Variants in GLRA3 observed in about 807,000 individuals in gnomAD.
The protein encoded by GLRA3 is glycine receptor subunit alpha-3.
In GLRA3, 44 loss-of-function variants were observed where a neutral mutation model predicts 60.4. That is an observed-to-expected ratio of 0.73 (90% confidence interval 0.57 to 0.94). The LOEUF (loss-of-function observed/expected upper bound fraction) is 0.94. GLRA3 is among the 40% of genes least tolerant of loss of function. The pLI, the probability that GLRA3 is intolerant of heterozygous loss-of-function variation, is 0.00. For missense variants in GLRA3, 508 were observed against 564.6 expected (o/e 0.90, Z 1.02); for synonymous variants, 223 against 192.9 (o/e 1.16, Z -1.29).
intron 3 of GLRA3, among the ~76,000 whole-genome samples, chr4:174,740,978 A>G (rs1470141122): frequency 1.3e-5 from 2 of 152,194 alleles, no homozygotes; most frequent in Non-Finnish European, 2.9e-5. Flanking sequence ...TTATTCACCC[A>G]TTGATGGACT....
intron 1 of GLRA3, among the ~76,000 whole-genome samples, chr4:174,804,666 C>T (rs1579636027): frequency 6.6e-6 from 1 of 152,100 alleles, no homozygotes; most frequent in African/African-American, 2.4e-5. Flanking sequence ...ATGGATACAC[C>T]AGAATGAGGT....
chr4:174,792,629 T>G (rs1215854589), intron 1 of GLRA3, among the ~76,000 whole-genome samples: 1 of 152,202 alleles, frequency 6.6e-6, no homozygotes, highest in African/African-American at 2.4e-5. Flanking sequence ...GTTTAACATT[T>G]TTGTTAAGTA....
At chr4:174,771,781 T>C (rs1385834) in intron 2 of GLRA3, among the ~76,000 whole-genome samples, 144,079 of 152,208 alleles carry the variant, frequency 0.95, 68,673 homozygotes, top group East Asian at 1. Context: ...TTTTAGTTTG[T>C]CACAGGCATT....
At chr4:174,677,665 A>T (rs1468313027) in intron 6 of GLRA3, among the ~76,000 whole-genome samples, 1 of 151,976 alleles carries the variant, frequency 6.6e-6, no homozygotes, top group East Asian at 1.9e-4. Context: ...CGGCCTCACA[A>T]TTTCATTTTG....
intron 3 of GLRA3, among the ~76,000 whole-genome samples, chr4:174,749,355 A>C (rs1417964480): frequency 6.6e-6 from 1 of 152,148 alleles, no homozygotes; most frequent in African/African-American, 2.4e-5. Flanking sequence ...CAACCACTGA[A>C]TGCAACTGGA....
intron 1 of GLRA3, among the ~76,000 whole-genome samples, chr4:174,825,973 T>A: frequency 6.6e-6 from 1 of 152,144 alleles, no homozygotes; most frequent in Non-Finnish European, 1.5e-5. Context: ...ATTACTGATA[T>A]AAGTGTAAAA....
At chr4:174,707,572 G>A (rs2111070531) in intron 5 of GLRA3, among the ~76,000 whole-genome samples, 1 of 152,150 alleles carries the variant, frequency 6.6e-6, no homozygotes, top group African/African-American at 2.4e-5. Context: ...TTTAATACAT[G>A]GAAAGACGTC....
At chr4:174,661,063 T>C (rs1337060178) in intron 7 of GLRA3, among the ~76,000 whole-genome samples, 2 of 152,208 alleles carry the variant, frequency 1.3e-5, no homozygotes, top group African/African-American at 4.8e-5. Context: ...TCTTCTGTAG[T>C]GAAGAGTGGT....
intron 6 of GLRA3, 82 bp from the exon 7 acceptor site, chr4:174,677,374 T>G: frequency 1.2e-6 from 1 of 814,588 alleles, no homozygotes; most frequent in East Asian, 2.6e-5. Flanking sequence ...TCTCTTTTTT[T>G]TTTGAGACAG....
In GLRA3 at chr4:174,828,875, C is replaced by T; in HGVS notation, c.-64G>A. 1.8e-6 allele frequency: 2 copies of T among 1,124,882 alleles called. No homozygotes were observed. The highest frequency in any genetic ancestry group is 2.5e-5 in the South Asian group (2 of 80,736). The allele number at this position is 1,124,882 out of a possible 1,614,324, so 69.7% of individuals were successfully genotyped here. Reference sequence around the variant, plus strand: ...TCCAAGGCATGGGGAACCAGAAAGACAGAATGAAAATGTACAATCTAACCC... The same window carrying T: ...TCCAAGGCATGGGGAACCAGAAAGATAGAATGAAAATGTACAATCTAACCC... On this transcript the variant is annotated 5_prime_UTR_variant, in exon 1 of 10. Coordinates refer to ENST00000274093, the MANE Select transcript of GLRA3 (RefSeq NM_006529.4).
At chr4:174,771,512 C>G (rs1377285454) in intron 2 of GLRA3, among the ~76,000 whole-genome samples, 1 of 151,322 alleles carries the variant, frequency 6.6e-6, no homozygotes, top group African/African-American at 2.4e-5. Flanking sequence ...GAGATAAATT[C>G]TGTCATGCTC....
chr4:174,793,722 G>A (rs1739454823), intron 1 of GLRA3, among the ~76,000 whole-genome samples: 1 of 152,072 alleles, frequency 6.6e-6, no homozygotes, highest in Admixed American at 6.5e-5. Flanking sequence ...AGGATGCAAA[G>A]TCTGTTTTTA....
At chr4:174,799,560 A>G (rs901521072) in intron 1 of GLRA3, among the ~76,000 whole-genome samples, 2 of 152,218 alleles carry the variant, frequency 1.3e-5, no homozygotes, top group African/African-American at 4.8e-5. Flanking sequence ...ATTCACCAAA[A>G]TGGCGAACTC....
rs1223645244 is a variant in GLRA3 at position 174,656,744 on chromosome 4, A to G, written c.1115T>C (p.Met372Thr). ...ALEKFYRFSD[M>T]DDEVRESRFS... ...TTAGAGTTAAGAAAGTCAATTTACC[A>G]TATCTGAGAAACGGTAAAACTTCTC... The change falls in exon 9 of 10, where the codon ATG becomes ACG. Residue 372 changes from methionine to threonine, a missense_variant and splice_region_variant. This residue lies in a region of GLRA3 where 176 missense variants were observed against 197.9 expected (regional missense o/e 0.89). Transcript: ENST00000274093. 2 of 1,543,452 alleles carry G rather than the reference A, an allele frequency of 1.3e-6. No individual in the cohort carries two copies. The highest frequency in any genetic ancestry group is 2.3e-5 in the East Asian group (1 of 44,398).
chr4:174,811,961 A>G (rs1169144039), intron 1 of GLRA3, among the ~76,000 whole-genome samples: 1 of 152,190 alleles, frequency 6.6e-6, no homozygotes, highest in Non-Finnish European at 1.5e-5. Context: ...TCTAAATCTT[A>G]TTTGGTAAAA....
intron 1 of GLRA3, among the ~76,000 whole-genome samples, chr4:174,817,684 T>G (rs1740564846): frequency 6.6e-6 from 1 of 152,168 alleles, no homozygotes; most frequent in African/African-American, 2.4e-5. Context: ...CTCGGCTCAC[T>G]GCAACATCCA....
chr4:174,754,890 T>A (rs1737631269), intron 3 of GLRA3, among the ~76,000 whole-genome samples: 1 of 152,130 alleles, frequency 6.6e-6, no homozygotes, highest in Non-Finnish European at 1.5e-5. Context: ...CATAAAAATT[T>A]CAGCATTTTT....
intron 8 of GLRA3, among the ~76,000 whole-genome samples, 180 bp downstream of exon 8, chr4:174,658,874 T>C (rs1407918555): frequency 6.6e-6 from 1 of 152,224 alleles, no homozygotes; most frequent in Non-Finnish European, 1.5e-5. Flanking sequence ...CTAGGTGTCA[T>C]CATTTTCTCC....
At chr4:174,675,267 T>TG in intron 7 of GLRA3, among the ~76,000 whole-genome samples, 1 of 152,152 alleles carries the variant, frequency 6.6e-6, no homozygotes. Flanking sequence ...TTGTGGAAAT[T>TG]AAAGCCTTTT....
Sources: gnomAD v4.1 joint callset for allele counts (sites outside exome capture counted in the v4.1 genomes callset) on GRCh38, gnomAD v4.1.1 for gene constraint, gnomAD v4.1.1 regional missense constraint, MANE v1.5 for transcripts, NCBI Gene and HGNC (gene_info 2026-07-23, HGNC 2026-07-21) for gene names.